The following STXBP5 variants were observed in gnomAD, a reference collection of about 807,000 sequenced individuals.
The protein encoded by STXBP5 is syntaxin binding protein 5.
In STXBP5, 50 loss-of-function variants were observed where a neutral mutation model predicts 152.4. That is an observed-to-expected ratio of 0.33 (90% CI 0.26 to 0.42). The LOEUF (loss-of-function observed/expected upper bound fraction) is 0.42. STXBP5 is among the 10% of genes least tolerant of loss of function. STXBP5 has a pLI of 1.00. For synonymous variants in STXBP5, 492 were observed against 494.7 expected, an observed-to-expected ratio of 0.99 and a Z score of 0.07; for missense variants, 1,167 against 1,388.6, an observed-to-expected ratio of 0.84 and a Z score of 2.54.
intron 2 of STXBP5, among the ~76,000 whole-genome samples, chr6:147,214,402 A>G (rs1354772381): frequency 6.6e-6 from 1 of 152,082 alleles, no homozygotes; most frequent in East Asian, 1.9e-4. Flanking sequence ...TTTGGCCATG[A>G]GTGGAAGGTA....
At chr6:147,349,049 CAA>C (rs1029000639) in intron 21 of STXBP5, among the ~76,000 whole-genome samples, 2 of 151,292 alleles carry the variant, frequency 1.3e-5, no homozygotes, top group African/African-American at 4.9e-5. Flanking sequence ...CAAAATAACT[CAA>C]AGATAAAAAA....
At chr6:147,319,440 C>T (rs1327343032) in intron 16 of STXBP5, among the ~76,000 whole-genome samples, 2 of 152,058 alleles carry the variant, frequency 1.3e-5, no homozygotes, top group Admixed American at 1.3e-4. Context: ...GTCCTTTAGA[C>T]CTTTGAGCAT....
At chr6:147,297,488 T>C (rs922440361) in intron 9 of STXBP5, among the ~76,000 whole-genome samples, 11 of 152,116 alleles carry the variant, frequency 7.2e-5, no homozygotes, top group African/African-American at 1.9e-4. Context: ...AAGCAGGTAA[T>C]TACTGTCATG....
intron 9 of STXBP5, among the ~76,000 whole-genome samples, chr6:147,298,890 A>T (rs1781666061): frequency 6.6e-6 from 1 of 152,050 alleles, no homozygotes; most frequent in Non-Finnish European, 1.5e-5. Flanking sequence ...ATAATCTCAA[A>T]TAGACAACCT....
chr6:147,238,224 G>C (rs1435311662), intron 3 of STXBP5, among the ~76,000 whole-genome samples: 1 of 152,170 alleles, frequency 6.6e-6, no homozygotes, highest in Non-Finnish European at 1.5e-5. Context: ...CTGACTTCTG[G>C]TGAGGGTCTC....
intron 26 of STXBP5, among the ~76,000 whole-genome samples, chr6:147,379,308 C>A (rs1785962006): frequency 6.6e-6 from 1 of 152,034 alleles, no homozygotes; most frequent in South Asian, 2.1e-4. Flanking sequence ...GCCTATCACC[C>A]ATAGTATTTC....
chr6:147,355,829 A>G (rs911350384), intron 22 of STXBP5, among the ~76,000 whole-genome samples: 1 of 152,190 alleles, frequency 6.6e-6, no homozygotes, highest in African/African-American at 2.4e-5. Flanking sequence ...TCTTATTACT[A>G]GAGCTACTAA....
chr6:147,221,959 C>G (rs1467210607), intron 2 of STXBP5, among the ~76,000 whole-genome samples: 1 of 150,990 alleles, frequency 6.6e-6, no homozygotes, highest in East Asian at 1.9e-4. Flanking sequence ...AGTTTTTTTT[C>G]TCTTTGCTTT....
chr6:147,257,422 A>G (rs145599043), intron 4 of STXBP5, among the ~76,000 whole-genome samples: 12 of 151,964 alleles, frequency 7.9e-5, no homozygotes, highest in African/African-American at 2.4e-4. Context: ...TTTCAACTAT[A>G]TATATTATTA....
At chr6:147,214,960 G>A (rs544656958) in intron 2 of STXBP5, among the ~76,000 whole-genome samples, 1 of 152,264 alleles carries the variant, frequency 6.6e-6, no homozygotes, top group South Asian at 2.1e-4. Flanking sequence ...TCATAGGGTG[G>A]ATGAGTATGT....
chr6:147,364,373 A>G (rs1375297905), intron 25 of STXBP5, among the ~76,000 whole-genome samples: 1 of 152,226 alleles, frequency 6.6e-6, no homozygotes, highest in Non-Finnish European at 1.5e-5. Flanking sequence ...AAGCAGCTTC[A>G]TCTTACTAAT....
At chr6:147,371,433 G>T (rs1464491876) in intron 25 of STXBP5, among the ~76,000 whole-genome samples, 2 of 152,030 alleles carry the variant, frequency 1.3e-5, no homozygotes, top group East Asian at 3.9e-4. Context: ...TCATCTCTAT[G>T]TGATAGATTT....
intron 18 of STXBP5, among the ~76,000 whole-genome samples, chr6:147,333,379 C>A (rs1783675573): frequency 6.6e-6 from 1 of 152,008 alleles, no homozygotes; most frequent in African/African-American, 2.4e-5. Context: ...AAAAAACTAG[C>A]CAGGCATGGT....
chr6:147,292,326 G>C (rs754416596), intron 9 of STXBP5: 9 of 432,856 alleles, frequency 2.1e-5, no homozygotes, highest in Non-Finnish European at 3.7e-5. Flanking sequence ...TCTAAGAGGT[G>C]TATCATCTGT....
At chr6:147,263,219 T>C (rs936421573) in intron 6 of STXBP5, among the ~76,000 whole-genome samples, 11 of 152,028 alleles carry the variant, frequency 7.2e-5, no homozygotes, top group Admixed American at 7.2e-4. Context: ...TAGCATTGTT[T>C]TAAAAGCCAA....
intron 9 of STXBP5, among the ~76,000 whole-genome samples, chr6:147,300,708 G>A (rs936270277): frequency 6.6e-6 from 1 of 152,008 alleles, no homozygotes; most frequent in African/African-American, 2.4e-5. Flanking sequence ...ACTACTGGAA[G>A]AATACATGGG....
intron 7 of STXBP5, among the ~76,000 whole-genome samples, chr6:147,273,839 C>T (rs939165926): frequency 2.2e-4 from 34 of 151,936 alleles, no homozygotes; most frequent in Middle Eastern, 3.4e-3. Flanking sequence ...GTAGTCCCAG[C>T]TACTCGGGAG....
intron 4 of STXBP5, among the ~76,000 whole-genome samples, chr6:147,239,555 G>A (rs1276384940): frequency 6.6e-6 from 1 of 152,014 alleles, no homozygotes; most frequent in Non-Finnish European, 1.5e-5. Context: ...TGCATAAAAG[G>A]GAAGCTATTA....
chr6:147,367,087 G>T (rs1334275549), intron 25 of STXBP5, among the ~76,000 whole-genome samples: 4 of 152,068 alleles, frequency 2.6e-5, no homozygotes, highest in Non-Finnish European at 5.9e-5. Context: ...CGTTCCATAT[G>T]TTCAAAAAGT....
Sources: allele counts gnomAD v4.1 joint callset (sites outside exome capture counted in the v4.1 genomes callset), GRCh38; gene constraint gnomAD v4.1.1; transcripts MANE v1.5; gene names NCBI Gene and HGNC (gene_info 2026-07-23, HGNC 2026-07-21).